The following ARHGAP18 variants were observed in gnomAD, a reference collection of about 807,000 sequenced individuals.
ARHGAP18 encodes rho GTPase-activating protein 18.
Under a neutral mutation model 86.2 loss-of-function variants are expected in ARHGAP18, and 67 were observed. The ratio of observed to expected loss-of-function variants is 0.78; its 90% CI spans 0.64 to 0.95. ARHGAP18 has a LOEUF of 0.95. ARHGAP18 is among the 40% of genes least tolerant of loss of function. ARHGAP18 has a pLI of 0.00. For synonymous variants in ARHGAP18, 283 were observed against 280.4 expected, an observed-to-expected ratio of 1.01 and a Z score of -0.09; for missense variants, 691 against 780.4, an observed-to-expected ratio of 0.89 and a Z score of 1.37.
Position 129,599,315 on chromosome 6 carries a change from C to A in ARHGAP18, c.1614G>T (p.Thr538=). 1.3e-6 allele frequency: 2 copies of A among 1,583,818 alleles called. No individual in the cohort carries two copies. Among genetic ancestry groups the A allele is most frequent in the Non-Finnish European group, 1.7e-6 (2 of 1,167,144 alleles). Residue 538 remains threonine (T), a synonymous_variant, in exon 12 of 15, where the codon ACG becomes ACT. Transcript: ENST00000368149. ...FIVNQVRKQN[T]ENHKKDKRAM... is the part of the protein sequence containing the mutation. ...CTCTTTTATCCTTTTTATGATTTTCCGTGTTTTGCTTCCTCACTTGGTTTA... is the reference window on the plus strand; with the variant it reads ...CTCTTTTATCCTTTTTATGATTTTCAGTGTTTTGCTTCCTCACTTGGTTTA...
At chr6:129,644,606 CT>C (rs1773542722) in intron 1 of ARHGAP18, among the ~76,000 whole-genome samples, 1 of 152,196 alleles carries the variant, frequency 6.6e-6, no homozygotes, top group South Asian at 2.1e-4. Flanking sequence ...TCTTACCCCC[CT>C]GTGAGACCAC....
chr6:129,659,055 A>G (rs1353469122), intron 1 of ARHGAP18, among the ~76,000 whole-genome samples: 6 of 152,236 alleles, frequency 3.9e-5, no homozygotes, highest in African/African-American at 1.4e-4. Context: ...TACACCAAAT[A>G]TCATCACTGC....
intron 12 of ARHGAP18, chr6:129,596,759 A>C (rs914895681): frequency 1.3e-5 from 2 of 152,164 alleles, no homozygotes; most frequent in African/African-American, 4.8e-5. Context: ...TACAGCAACC[A>C]GACAGAATGA....
intron 1 of ARHGAP18, among the ~76,000 whole-genome samples, chr6:129,702,603 T>C (rs117938261): frequency 0.018 from 2,707 of 152,102 alleles, 47 homozygotes; most frequent in Non-Finnish European, 0.024. Context: ...TCCATGCTGT[T>C]AGTGACTCCC....
Position 129,625,133 on chromosome 6 carries a change from T to TTATATA in ARHGAP18, c.786+4219_786+4220insTATATA, listed in dbSNP as rs1487649334. On this transcript the variant is annotated intron_variant, in intron 5 of 14. Transcript: ENST00000368149. ...ATATTATATAGATATATATTATATA[T>TTATATA]GATATATATTATATATTATATAGAT... Among the ~76,000 whole-genome samples, 133 of 16,502 alleles carry TTATATA rather than the reference T, an allele frequency of 8.1e-3. 29 individuals are homozygous for TTATATA. The highest frequency in any genetic ancestry group is 0.033 in the Middle Eastern group (1 of 30). The allele number at this position is 16,502 out of a possible 152,430, so 10.8% of individuals were successfully genotyped here.
At chr6:129,655,383 C>A (rs1196080645) in intron 1 of ARHGAP18, among the ~76,000 whole-genome samples, 3 of 147,740 alleles carry the variant, frequency 2.0e-5, no homozygotes, top group East Asian at 4.0e-4. Context: ...CTGTAGAGAC[C>A]ATAAAGTTAT....
intron 1 of ARHGAP18, among the ~76,000 whole-genome samples, chr6:129,681,247 T>A (rs1395027073): frequency 6.6e-6 from 1 of 152,174 alleles, no homozygotes; most frequent in Non-Finnish European, 1.5e-5. Flanking sequence ...CCAGCTAATT[T>A]TTGTATTTTT....
rs575955528 is a variant in ARHGAP18, at chr6:129,697,133, G to A, written c.113+12891C>T. On this transcript the variant is annotated intron_variant, in intron 1 of 14. Transcript: ENST00000368149. ...TCAGAAGTCTGATTACCTGGCTACT[G>A]CTGTACTCTCAGGGAGCCCAAGCCA... is the stretch of plus-strand genomic sequence containing the variant. 3.3e-5 allele frequency among the ~76,000 whole-genome samples: 5 copies of A among 152,308 alleles called. No individual in the cohort carries two copies. The South Asian group carries it at 1.0e-3, about 32-fold the overall frequency.
At chr6:129,632,759 G>A (rs552407765) in intron 4 of ARHGAP18, among the ~76,000 whole-genome samples, 2 of 152,262 alleles carry the variant, frequency 1.3e-5, no homozygotes, top group African/African-American at 4.8e-5. Context: ...ACATGTGCAT[G>A]CATATTATCT....
chr6:129,618,619 T>C, intron 6 of ARHGAP18, 68 bp downstream of exon 6: 1 of 1,446,214 alleles, frequency 6.9e-7, no homozygotes, highest in African/African-American at 1.4e-5. Flanking sequence ...CCAGAAATAC[T>C]GCAAAAAAGC....
At chr6:129,652,251 C>G (rs1351852260) in intron 1 of ARHGAP18, among the ~76,000 whole-genome samples, 1 of 152,216 alleles carries the variant, frequency 6.6e-6, no homozygotes, top group Non-Finnish European at 1.5e-5. Flanking sequence ...AAGATGGAGG[C>G]CAGCTTCCTC....
rs878964422 is a variant in ARHGAP18 at position 129,605,768 on chromosome 6, G to C, written c.1365+109C>G. On this transcript the variant is annotated intron_variant, in intron 10 of 14. Transcript: ENST00000368149. ...CTTAAAAGTAGGCTTTTTCTTTATA[G>C]ACTTTTATGACCATGTCCAAGATAC... 11 of 984,988 alleles carry C rather than the reference G, an allele frequency of 1.1e-5. No individual in the cohort carries two copies. The South Asian group carries it at 1.6e-4, about 15-fold the overall frequency. The allele number at this position is 984,988 out of a possible 1,614,324, so 61.0% of individuals were successfully genotyped here.
chr6:129,634,149 C>G, intron 3 of ARHGAP18, 44 bp from the exon 4 acceptor site: 1 of 1,552,400 alleles, frequency 6.4e-7, no homozygotes, highest in Non-Finnish European at 8.9e-7. Context: ...CAACTCAAAA[C>G]CAGAGAAAAT....
intron 1 of ARHGAP18, among the ~76,000 whole-genome samples, chr6:129,700,039 A>G (rs917341481): frequency 4.6e-5 from 7 of 152,222 alleles, no homozygotes; most frequent in Admixed American, 1.3e-4. Flanking sequence ...GAACTGGGTG[A>G]AGGGAACACA....
chr6:129,664,655 G>T (rs937444249), intron 1 of ARHGAP18, among the ~76,000 whole-genome samples: 1 of 152,166 alleles, frequency 6.6e-6, no homozygotes, highest in Non-Finnish European at 1.5e-5. Context: ...CAAGATTGAA[G>T]TAAATGAATT....
chr6:129,601,968 TCAGAA>T (rs929461350), intron 10 of ARHGAP18, among the ~76,000 whole-genome samples: 2 of 151,998 alleles, frequency 1.3e-5, no homozygotes, highest in African/African-American at 4.8e-5. Flanking sequence ...AAACTTTTCA[TCAGAA>T]CAGGTTAGGT....
chr6:129,690,085 T>C (rs1284830978), intron 1 of ARHGAP18, among the ~76,000 whole-genome samples: 2 of 152,208 alleles, frequency 1.3e-5, no homozygotes, highest in Non-Finnish European at 2.9e-5. Flanking sequence ...TAATGTTTTA[T>C]TCATTACAAA....
intron 1 of ARHGAP18, among the ~76,000 whole-genome samples, chr6:129,675,745 C>T (rs1359975505): frequency 6.6e-6 from 1 of 152,142 alleles, no homozygotes; most frequent in Non-Finnish European, 1.5e-5. Flanking sequence ...AATTGTTTTT[C>T]CTTGTTCCTA....
At chr6:129,675,367 G>C (rs1214451945) in intron 1 of ARHGAP18, among the ~76,000 whole-genome samples, 7 of 143,572 alleles carry the variant, frequency 4.9e-5, no homozygotes, top group Non-Finnish European at 6.0e-5. Context: ...CTGGGCAACA[G>C]AGCGAGACTC....
Sources: gnomAD v4.1 joint callset for allele counts (sites outside exome capture counted in the v4.1 genomes callset) on GRCh38, gnomAD v4.1.1 for gene constraint, MANE v1.5 for transcripts, NCBI Gene and HGNC (gene_info 2026-07-23, HGNC 2026-07-21) for gene names.